The following TMED8 variants were observed in gnomAD, a reference collection of about 807,000 sequenced individuals.
The protein encoded by TMED8 is protein TMED8.
In TMED8, 15 loss-of-function variants were observed where a neutral mutation model predicts 32.7. The ratio of observed to expected loss-of-function variants is 0.46; its 90% confidence interval spans 0.31 to 0.71. TMED8 has a LOEUF of 0.71. TMED8 is among the 30% of genes least tolerant of loss of function. The pLI is 0.06. For synonymous variants in TMED8, 147 were observed against 161.4 expected (o/e 0.91, Z 0.68); for missense variants, 390 against 423.9 (o/e 0.92, Z 0.70).
At chr14:77,358,735 C>A (rs528940556) in intron 1 of TMED8, among the ~76,000 whole-genome samples, 2 of 152,080 alleles carry the variant, frequency 1.3e-5, no homozygotes, top group African/African-American at 4.8e-5. Context: ...TAGTTTTAAA[C>A]GAATAACAGT....
In TMED8 at chr14:77,335,905, T is replaced by G. The variant is rs563283015; in HGVS notation, c.*5866A>C. 5 of 152,210 alleles carry G rather than the reference T, an allele frequency of 3.3e-5. No homozygotes were observed. Among genetic ancestry groups the G allele is most frequent in the African/African-American group, 1.2e-4 (5 of 41,446 alleles). The allele number at this position is 152,210 out of a possible 1,614,324, so 9.4% of individuals were successfully genotyped here. A position where few individuals can be genotyped will look rare whatever the true frequency, so the allele number is the denominator to read the frequency against. The stretch of plus-strand genomic sequence containing the variant: ...TCATATGGAATTTCTTAGTAAAATG[T>G]ACTGTTTAGGATATGAGAGACGGAA... On this transcript the variant is annotated 3_prime_UTR_variant, in exon 6 of 6. Coordinates refer to ENST00000216468, the MANE Select transcript of TMED8 (RefSeq NM_213601.3).
At chr14:77,345,702 G>C (rs1051071402) in intron 3 of TMED8, among the ~76,000 whole-genome samples, 3 of 150,550 alleles carry the variant, frequency 2.0e-5, no homozygotes, top group Admixed American at 6.6e-5. Context: ...AGGCACAGTG[G>C]CTCACATCTG....
Position 77,376,921 on chromosome 14 carries a change from C to T in TMED8, c.118+15G>A. The T allele has an allele frequency of 7.0e-7, 1 of 1,423,340 alleles. No homozygotes were observed. Among genetic ancestry groups the T allele is most frequent in the Non-Finnish European group, 9.2e-7 (1 of 1,089,482 alleles). The allele number at this position is 1,423,340 out of a possible 1,614,324, so 88.2% of individuals were successfully genotyped here. ...CCGGGCGGCACCCACCCGCCAGCGC[C>T]CCGGCCTTGCGTACCTGAGGCGGCC... On this transcript the variant is annotated intron_variant, in intron 1 of 5. Transcript: ENST00000216468. This position sits in a 1 kb window ranked among gnomAD's most constrained non-coding sequence, Gnocchi z 4.0.
chr14:77,376,390 G>A lies in TMED8; in HGVS notation c.118+546C>T, dbSNP rs557554802. On this transcript the variant is annotated intron_variant, in intron 1 of 5. Transcript: ENST00000216468. This position sits in a 1 kb window ranked among gnomAD's most constrained non-coding sequence, Gnocchi z 4.0. Reference sequence around the variant, plus strand: ...TTTTTCCCACTCTAAGCGATGGAGAGGATGGCAGCAAGGCCAGGGGGCCTA... The same window carrying A: ...TTTTTCCCACTCTAAGCGATGGAGAAGATGGCAGCAAGGCCAGGGGGCCTA... 6.6e-6 allele frequency among the ~76,000 whole-genome samples: 1 copy of A among 152,360 alleles called. No homozygotes were observed. The highest frequency in any genetic ancestry group is 2.4e-5 in the African/African-American group (1 of 41,592).
At chr14:77,369,019 T>C (rs1188030888) in intron 1 of TMED8, among the ~76,000 whole-genome samples, 2 of 152,224 alleles carry the variant, frequency 1.3e-5, no homozygotes, top group South Asian at 2.1e-4. Context: ...GGTAGGTGCT[T>C]ATGTACTACC....
At chr14:77,359,829 A>T (rs535749547) in intron 1 of TMED8, 22 of 184,472 alleles carry the variant, frequency 1.2e-4, no homozygotes, top group African/African-American at 5.0e-4. Context: ...CATCATGGGC[A>T]CTCTGACAGT....
intron 1 of TMED8, among the ~76,000 whole-genome samples, chr14:77,367,809 T>C (rs1893590310): frequency 6.6e-6 from 1 of 152,096 alleles, no homozygotes; most frequent in African/African-American, 2.4e-5. Context: ...TTCTCCTGCC[T>C]CAGCCTCCTG....
chr14:77,343,913 A>G, intron 3 of TMED8, 90 bp from the exon 4 acceptor site: 1 of 1,392,642 alleles, frequency 7.2e-7, no homozygotes, highest in Non-Finnish European at 9.8e-7. Flanking sequence ...CCCCTGCTCT[A>G]TTATCTCCAC....
intron 1 of TMED8, among the ~76,000 whole-genome samples, chr14:77,370,162 A>C: frequency 1.0e-5 from 1 of 97,034 alleles, no homozygotes; most frequent in Non-Finnish European, 2.0e-5. Context: ...ACAGAGCGAG[A>C]CTCCGTTTCA....
chr14:77,343,438 T>C lies in TMED8; in HGVS notation c.500A>G (p.Lys167Arg), dbSNP rs1361062151. ...CAGCTTGCTTTTGAATTCCTTCACC[T>C]TGGCAAAGGTCCAGATGCATGGAGG... ...MAPPCIWTFA[K>R]VKEFKSKLGK... The change falls in exon 5 of 6, where the codon AAG becomes AGG. Residue 167 changes from lysine to arginine, a missense_variant. By Grantham distance (26) the Lys-to-Arg change is conservative. Coordinates refer to ENST00000216468, the MANE Select transcript of TMED8 (RefSeq NM_213601.3). 6.2e-7 allele frequency: 1 copy of C among 1,613,792 alleles called. No individual in the cohort carries two copies. The highest frequency in any genetic ancestry group is 1.1e-5 in the South Asian group (1 of 91,024).
intron 1 of TMED8, among the ~76,000 whole-genome samples, chr14:77,372,910 A>T (rs1324240630): frequency 0.28 from 2,521 of 9,024 alleles, 127 homozygotes; most frequent in Non-Finnish European, 0.31. Context: ...CAGATATTAT[A>T]TATATATATA....
At chr14:77,342,968 C>G (rs148467857) in intron 5 of TMED8, among the ~76,000 whole-genome samples, 2 of 152,072 alleles carry the variant, frequency 1.3e-5, no homozygotes, top group African/African-American at 4.8e-5. Flanking sequence ...AATGAGGTAC[C>G]GATAAGGAAA....
intron 1 of TMED8, among the ~76,000 whole-genome samples, chr14:77,354,183 CAAT>C (rs916339167): frequency 1.3e-5 from 2 of 152,156 alleles, no homozygotes; most frequent in Non-Finnish European, 2.9e-5. Context: ...ACTACACTGA[CAAT>C]AACCTCTTAA....
At chr14:77,352,557 G>A (rs1385916545) in intron 1 of TMED8, among the ~76,000 whole-genome samples, 3 of 152,010 alleles carry the variant, frequency 2.0e-5, no homozygotes, top group Admixed American at 1.3e-4. Flanking sequence ...TGGCCAACAT[G>A]GCGAAACCAT....
intron 1 of TMED8, among the ~76,000 whole-genome samples, chr14:77,368,869 ATTTAATGGTGGCC>A (rs1402063861): frequency 6.6e-6 from 1 of 152,138 alleles, no homozygotes; most frequent in Non-Finnish European, 1.5e-5. Flanking sequence ...GACTTTTCCC[ATTTAATGGTGGCC>A]TTTGATGAAC....
chr14:77,337,730 C>A lies in TMED8; in HGVS notation c.*4041G>T, dbSNP rs1198863171. 1 of 152,084 alleles carries A rather than the reference C, an allele frequency of 6.6e-6. No homozygotes were observed. The highest frequency in any genetic ancestry group is 6.6e-5 in the Admixed American group (1 of 15,256). 9.4% of individuals were successfully genotyped at this position (152,084 alleles called of 1,614,324 possible). A position where few individuals can be genotyped will look rare whatever the true frequency, so the allele number is the denominator to read the frequency against. On this transcript the variant is annotated 3_prime_UTR_variant, in exon 6 of 6. Transcript: ENST00000216468. ...TTATGAAGACCACCTCCTGGGTAAC[C>A]CATGTTGAATGAAACAGGTCTGCTA...
chr14:77,375,861 A>T (rs1285669809), intron 1 of TMED8, among the ~76,000 whole-genome samples: 1 of 152,210 alleles, frequency 6.6e-6, no homozygotes, highest in African/African-American at 2.4e-5. Flanking sequence ...AATGCCTTAG[A>T]CAAAGCAGCT....
At chr14:77,347,640 G>C (rs966177606) in intron 2 of TMED8, among the ~76,000 whole-genome samples, 4 of 152,174 alleles carry the variant, frequency 2.6e-5, no homozygotes, top group Admixed American at 1.3e-4. Context: ...CCCGACCTCA[G>C]GTGATCTGCC....
At chr14:77,346,262 G>T in intron 3 of TMED8, 87 bp downstream of exon 3, 1 of 1,410,584 alleles carries the variant, frequency 7.1e-7, no homozygotes, top group South Asian at 1.3e-5. Context: ...AGCCACCCTC[G>T]CAGTGCTTTC....
Sources: gnomAD v4.1 joint callset for allele counts (sites outside exome capture counted in the v4.1 genomes callset) on GRCh38, gnomAD v4.1.1 for gene constraint, Gnocchi (gnomAD v3.1) non-coding constraint, MANE v1.5 for transcripts, NCBI Gene and HGNC (gene_info 2026-07-23, HGNC 2026-07-21) for gene names.